ZGRF1: variants seen among roughly 807,000 people sequenced by gnomAD.
ZGRF1 encodes zinc finger GRF-type containing 1.
In ZGRF1, 196 loss-of-function variants were observed where a neutral mutation model predicts 203.5. That is an observed-to-expected ratio of 0.96 (90% confidence interval 0.86 to 1.08). The LOEUF (loss-of-function observed/expected upper bound fraction) is 1.08, where lower values mean the gene tolerates loss of function less well. Among genes scored for constraint, ZGRF1 ranks in the 50% least tolerant of loss-of-function variants. The pLI is 0.00. For synonymous variants in ZGRF1, 809 were observed against 841.3 expected, an observed-to-expected ratio of 0.96 and a Z score of 0.66; for missense variants, 2,326 against 2,416.3, an observed-to-expected ratio of 0.96 and a Z score of 0.78.
chr4:112,614,845 T>A (rs1233820160), intron 6 of ZGRF1, among the ~76,000 whole-genome samples: 1 of 151,570 alleles, frequency 6.6e-6, no homozygotes, highest in African/African-American at 2.4e-5. Flanking sequence ...AAAAGTCCCC[T>A]AAGAATAGTG....
chr4:112,570,165 A>C (rs563773415), intron 16 of ZGRF1, among the ~76,000 whole-genome samples: 3 of 152,320 alleles, frequency 2.0e-5, no homozygotes, highest in African/African-American at 7.2e-5. Context: ...GACAATTAAT[A>C]AGCTTGATCT....
At chr4:112,604,965 T>C (rs940797399) in intron 9 of ZGRF1, among the ~76,000 whole-genome samples, 8 of 152,234 alleles carry the variant, frequency 5.3e-5, no homozygotes, top group African/African-American at 7.2e-5. Context: ...TGAAGAACTG[T>C]AAATCACACA....
Position 112,587,599 on chromosome 4 carries a change from G to T in ZGRF1, c.3458C>A (p.Ser1153Tyr). The change falls in exon 12 of 28, where the codon TCC (serine) becomes TAC (tyrosine). Residue 1153 changes from serine (S) to tyrosine (Y), a missense_variant. By Grantham distance (144) the Ser-to-Tyr change is moderately radical (BLOSUM62 -2). Coordinates refer to ENST00000505019, the MANE Select transcript of ZGRF1 (RefSeq NM_018392.5). The stretch of plus-strand genomic sequence containing the variant: ...GTTTGGAGTAGCCACGTTGCATTGG[G>T]ATGTGTTTTGATATTTCAGCCACTT... ...QSKWLKYQNT[S>Y]QCNVATPNRV... The T allele has an allele frequency of 6.2e-7, 1 of 1,613,794 alleles. No homozygotes were observed. Among genetic ancestry groups the T allele is most frequent in the Non-Finnish European group, 8.5e-7 (1 of 1,179,810 alleles).
chr4:112,598,347 A>G, intron 10 of ZGRF1, among the ~76,000 whole-genome samples: 1 of 152,230 alleles, frequency 6.6e-6, no homozygotes, highest in South Asian at 2.1e-4. Flanking sequence ...TTTTAAAAAG[A>G]GACAATTATA....
intron 3 of ZGRF1, among the ~76,000 whole-genome samples, chr4:112,631,669 C>G (rs1000523784): frequency 2.0e-5 from 3 of 151,842 alleles, no homozygotes; most frequent in Non-Finnish European, 4.4e-5. Context: ...AAGACTCTGT[C>G]TCAAAAAAAA....
At position 112,593,721 on chromosome 4, in the gene ZGRF1, C is replaced by T. The variant is rs1045757450; in HGVS notation, c.2977-3847G>A. On this transcript the variant is annotated intron_variant, in intron 10 of 27. Coordinates refer to ENST00000505019, the MANE Select transcript of ZGRF1 (RefSeq NM_018392.5). ...TGTTTCTTTGCATGGTATGTTCAGT[C>T]CCTCACTGTTGCCAATGCTGGAGAA... 2.0e-5 allele frequency among the ~76,000 whole-genome samples: 3 copies of T among 152,200 alleles called. 1 individual carries two copies. Among genetic ancestry groups the T allele is most frequent in the Admixed American group, 1.3e-4 (2 of 15,276 alleles).
At chr4:112,540,374 T>G (rs1290256416) in intron 26 of ZGRF1, among the ~76,000 whole-genome samples, 1 of 148,930 alleles carries the variant, frequency 6.7e-6, no homozygotes, top group Non-Finnish European at 1.5e-5. Context: ...AATTTGGAGC[T>G]GATAAACTAA....
At chr4:112,599,535 T>C (rs1749587524) in intron 10 of ZGRF1, among the ~76,000 whole-genome samples, 1 of 147,710 alleles carries the variant, frequency 6.8e-6, no homozygotes, top group Non-Finnish European at 1.5e-5. Context: ...AGCCTGGCAA[T>C]ATAGCAAGAC....
At chr4:112,597,854 G>A (rs969466817) in intron 10 of ZGRF1, among the ~76,000 whole-genome samples, 10 of 149,786 alleles carry the variant, frequency 6.7e-5, no homozygotes, top group South Asian at 2.1e-4. Flanking sequence ...ACTTCACTCC[G>A]GCCTGGGTGA....
chr4:112,571,498 TACAA>T (rs1744212178), intron 16 of ZGRF1, among the ~76,000 whole-genome samples: 1 of 152,128 alleles, frequency 6.6e-6, no homozygotes, highest in South Asian at 2.1e-4. Flanking sequence ...TATAAGATGT[TACAA>T]ACAATTTTTA....
chr4:112,589,707 A>T lies in ZGRF1; in HGVS notation c.3127+17T>A, dbSNP rs748608853. 1 of 1,609,422 alleles carries T rather than the reference A, an allele frequency of 6.2e-7. No individual in the cohort carries two copies. The highest frequency in any genetic ancestry group is 1.1e-5 in the South Asian group (1 of 90,960). On this transcript the variant is annotated intron_variant, in intron 11 of 27. Coordinates refer to ENST00000505019, the MANE Select transcript of ZGRF1 (RefSeq NM_018392.5). ...TAAATGAATAGACAGATATTAGAGC[A>T]ATGTGGTAACGACTACCCTCCAAGT...
At chr4:112,559,991 T>TA (rs544464482) in intron 19 of ZGRF1, among the ~76,000 whole-genome samples, 198 of 152,200 alleles carry the variant, frequency 1.3e-3, no homozygotes, top group African/African-American at 4.2e-3. Flanking sequence ...AGTGAGAGAA[T>TA]ATGAGGAGGA....
intron 24 of ZGRF1, among the ~76,000 whole-genome samples, chr4:112,544,914 G>T (rs984178647): frequency 1.2e-4 from 18 of 152,108 alleles, no homozygotes; most frequent in African/African-American, 4.3e-4. Context: ...TCCACACATG[G>T]TATTGGGAAA....
intron 6 of ZGRF1, among the ~76,000 whole-genome samples, chr4:112,614,107 G>C (rs2046783974): frequency 6.6e-6 from 1 of 152,086 alleles, no homozygotes; most frequent in African/African-American, 2.4e-5. Context: ...AAAATTTAGA[G>C]TTTTAACACT....
chr4:112,549,569 A>C (rs1739496239), intron 22 of ZGRF1, among the ~76,000 whole-genome samples: 1 of 152,194 alleles, frequency 6.6e-6, no homozygotes, highest in Non-Finnish European at 1.5e-5. Context: ...GCCCTTAGTG[A>C]CATCACAACC....
intron 15 of ZGRF1, among the ~76,000 whole-genome samples, chr4:112,582,239 C>T (rs1003904733): frequency 6.6e-6 from 1 of 150,678 alleles, no homozygotes; most frequent in African/African-American, 2.4e-5. Flanking sequence ...TCTAGTTATT[C>T]TGATATATAC....
chr4:112,568,711 CAAAAAAAAAAA>C (rs76531414), intron 16 of ZGRF1, among the ~76,000 whole-genome samples: 6 of 42,850 alleles, frequency 1.4e-4, no homozygotes, highest in Non-Finnish European at 2.1e-4. Flanking sequence ...AACTCTGTCT[CAAAAAAAAAAA>C]AAAAAAAAAA....
chr4:112,599,195 A>G (rs151237736), intron 10 of ZGRF1, among the ~76,000 whole-genome samples: 191 of 152,326 alleles, frequency 1.3e-3, no homozygotes, highest in African/African-American at 4.4e-3. Flanking sequence ...AAAACTGTAA[A>G]ACATTACTGG....
At chr4:112,601,548 T>C (rs1417741679) in intron 10 of ZGRF1, among the ~76,000 whole-genome samples, 3 of 149,738 alleles carry the variant, frequency 2.0e-5, no homozygotes, top group African/African-American at 7.4e-5. Flanking sequence ...CACTCCAGAC[T>C]GGGTGACAGA....
Sources: gnomAD v4.1 joint callset for allele counts (sites outside exome capture counted in the v4.1 genomes callset) on GRCh38, gnomAD v4.1.1 for gene constraint, MANE v1.5 for transcripts, NCBI Gene and HGNC (gene_info 2026-07-23, HGNC 2026-07-21) for gene names.